Variants in SPDYE12 observed in about 807,000 individuals in gnomAD.
SPDYE12 encodes the protein speedy/RINGO cell cycle regulator family member E12.
the SPDYE12 span, chr7:74,909,715 G>A: frequency 6.7e-7 from 1 of 1,486,670 alleles, no homozygotes. Flanking sequence ...TCAGAGAAGG[G>A]ACCTCAGCAT....
the SPDYE12 span, among the ~76,000 whole-genome samples, chr7:74,908,030 T>C: frequency 4.0e-5 from 6 of 150,872 alleles, no homozygotes; most frequent in African/African-American, 1.5e-4. Context: ...CTAATCCCAA[T>C]GTCACGTTAT....
the SPDYE12 span, among the ~76,000 whole-genome samples, chr7:74,910,373 A>G: frequency 6.6e-6 from 1 of 150,650 alleles, no homozygotes; most frequent in Admixed American, 6.7e-5. Flanking sequence ...CAGAAAAAAA[A>G]ATGTGTGGGT....
At chr7:74,904,735 C>G in the SPDYE12 span, among the ~76,000 whole-genome samples, 1 of 150,272 alleles carries the variant, frequency 6.7e-6, no homozygotes, top group Non-Finnish European at 1.5e-5. Flanking sequence ...GAAACAGCAT[C>G]TATTCAAAAA....
chr7:74,909,173 C>T, the SPDYE12 span, among the ~76,000 whole-genome samples: 4 of 149,848 alleles, frequency 2.7e-5, no homozygotes. Flanking sequence ...CTTGCCTCAG[C>T]CTCCCAAGTA....
the SPDYE12 span, among the ~76,000 whole-genome samples, chr7:74,909,987 C>A: frequency 6.6e-6 from 1 of 150,736 alleles, no homozygotes; most frequent in African/African-American, 2.4e-5. Flanking sequence ...GGGCTCAGAT[C>A]CCAAAGGACT....
At chr7:74,907,684 T>C in the SPDYE12 span, among the ~76,000 whole-genome samples, 1 of 150,340 alleles carries the variant, frequency 6.7e-6, no homozygotes, top group Admixed American at 6.7e-5. Flanking sequence ...TGAGCCAAGA[T>C]TGGGCCCCTC....
chr7:74,907,773 C>A, the SPDYE12 span, among the ~76,000 whole-genome samples: 2 of 137,524 alleles, frequency 1.5e-5, no homozygotes, highest in Admixed American at 7.1e-5. Flanking sequence ...AAATAAATAA[C>A]TGTCCAGGTG....
the SPDYE12 span, chr7:74,909,684 G>T: frequency 1.3e-6 from 2 of 1,570,418 alleles, 1 homozygote; most frequent in Non-Finnish European, 1.8e-6. Flanking sequence ...GTGGAATGGG[G>T]GTCTGGGGAG....
the SPDYE12 span, among the ~76,000 whole-genome samples, chr7:74,908,393 C>T: frequency 3.0e-4 from 31 of 102,954 alleles, no homozygotes; most frequent in Admixed American, 5.7e-4. Flanking sequence ...GTTCAGGCTG[C>T]ACTAGGAAGC....
At chr7:74,913,228 TC>T in the SPDYE12 span, 4 of 1,577,062 alleles carry the variant, frequency 2.5e-6, no homozygotes, top group Non-Finnish European at 3.4e-6. Flanking sequence ...GCTCTGCTCT[TC>T]CTGGGGCTGC....
the SPDYE12 span, among the ~76,000 whole-genome samples, chr7:74,914,948 A>C: frequency 6.7e-6 from 1 of 148,444 alleles, no homozygotes; most frequent in African/African-American, 2.5e-5. Context: ...AAAAAAAAAC[A>C]AAAAGAACCT....
At chr7:74,906,050 A>G in the SPDYE12 span, among the ~76,000 whole-genome samples, 9 of 149,600 alleles carry the variant, frequency 6.0e-5, no homozygotes, top group Admixed American at 3.3e-4. Flanking sequence ...GGAGTAGGGC[A>G]CCCTCAGAGA....
the SPDYE12 span, chr7:74,909,502 G>A: frequency 1.3e-6 from 2 of 1,498,526 alleles, no homozygotes; most frequent in South Asian, 2.3e-5. Flanking sequence ...TTGATGGATA[G>A]GAGGCAGCAA....
At chr7:74,908,509 C>G in the SPDYE12 span, among the ~76,000 whole-genome samples, 1 of 98,152 alleles carries the variant, frequency 1.0e-5, no homozygotes, top group Admixed American at 1.1e-4. Context: ...CATGGGAACC[C>G]GGAGGAGGCT....
chr7:74,912,813 A>T, the SPDYE12 span, among the ~76,000 whole-genome samples: 2 of 24,426 alleles, frequency 8.2e-5, no homozygotes, highest in South Asian at 1.7e-3. Context: ...TTTTTTTTTG[A>T]GATAGCATCT....
chr7:74,909,467 C>T, the SPDYE12 span: 5 of 1,168,078 alleles, frequency 4.3e-6, no homozygotes, highest in Non-Finnish European at 6.4e-6. Flanking sequence ...ATCCCACTTC[C>T]CCCGCTGTCC....
chr7:74,908,651 GTTTTTTGTTCTTTTTT>G, the SPDYE12 span, among the ~76,000 whole-genome samples: 1 of 105,698 alleles, frequency 9.5e-6, no homozygotes, highest in African/African-American at 3.5e-5. Flanking sequence ...GGTTCCTTTT[GTTTTTTGTTCTTTTTT>G]TTTTTTTTTT....
chr7:74,909,033 G>C, the SPDYE12 span, among the ~76,000 whole-genome samples: 3 of 32,002 alleles, frequency 9.4e-5, no homozygotes, highest in Non-Finnish European at 1.8e-4. Flanking sequence ...TTTTTGCCTG[G>C]TTTTTTTTTT....
chr7:74,907,837 G>A, the SPDYE12 span, among the ~76,000 whole-genome samples: 2 of 149,452 alleles, frequency 1.3e-5, no homozygotes, highest in African/African-American at 2.5e-5. Context: ...TGGGAGGATC[G>A]CTTGAGCCCA....
Sources: allele counts gnomAD v4.1 joint callset (sites outside exome capture counted in the v4.1 genomes callset), GRCh38; gene constraint gnomAD v4.1.1; transcripts MANE v1.5; gene names NCBI Gene and HGNC (gene_info 2026-07-23, HGNC 2026-07-21).